Variants in NR3C2 observed in about 807,000 individuals in gnomAD.
The protein encoded by NR3C2 is nuclear receptor subfamily 3 group C member 2, also known as mineralocorticoid receptor.
A neutral mutation model predicts 86.4 loss-of-function variants in NR3C2; 15 were observed. The ratio of observed to expected loss-of-function variants is 0.17; its 90% CI spans 0.12 to 0.27. The LOEUF (loss-of-function observed/expected upper bound fraction) is 0.27, where lower values mean the gene tolerates loss of function less well. Among genes scored for constraint, NR3C2 ranks in the 10% least tolerant of loss-of-function variants. The pLI is 1.00. For missense variants in NR3C2, 960 were observed against 1,195.6 expected, an observed-to-expected ratio of 0.80 and a Z score of 2.91; for synonymous variants, 458 against 450.5, an observed-to-expected ratio of 1.02 and a Z score of -0.21.
Position 148,080,873 on chromosome 4 carries a change from A to ATTAT in NR3C2, c.*467_*470dup, listed in dbSNP as rs986431038. On this transcript the variant is annotated 3_prime_UTR_variant, in exon 9 of 9. Coordinates refer to ENST00000358102, the MANE Select transcript of NR3C2 (RefSeq NM_000901.5). ...AACAGGAATCTGTATATATTTTTTT[A>ATTAT]TTATTTTTTTGTGTTTTTTTAATAA... 2 of 356,688 alleles carry ATTAT rather than the reference A, an allele frequency of 5.6e-6. No homozygotes were observed. The highest frequency in any genetic ancestry group is 4.3e-5 in the African/African-American group (2 of 46,434). 22.1% of individuals were successfully genotyped at this position (356,688 alleles called of 1,614,324 possible).
At chr4:148,280,293 G>A (rs1036051217) in intron 2 of NR3C2, among the ~76,000 whole-genome samples, 1 of 152,080 alleles carries the variant, frequency 6.6e-6, no homozygotes, top group Non-Finnish European at 1.5e-5. Context: ...TTTCCCTGGA[G>A]AAATAAAAAT....
In NR3C2 at chr4:148,152,514, G is replaced by A; in HGVS notation, c.2465C>T (p.Thr822Met). The A allele has an allele frequency of 1.9e-6, 3 of 1,614,022 alleles. No homozygotes were observed. The highest frequency in any genetic ancestry group is 2.5e-6 in the Non-Finnish European group (3 of 1,179,948). ...FALSWRSYKH[T>M]NSQFLYFAPD... ...TGCAAAATAGAGAAATTGGCTGTTC[G>A]TATGTTTGTACGATCTCCAGCTCAA... The change falls in exon 6 of 9, where the codon ACG (threonine) becomes ATG (methionine). Residue 822 changes from threonine (T) to methionine (M), a missense_variant. Physicochemically the swap from Thr to Met is moderately conservative, Grantham distance 81. This residue lies in a region of NR3C2 where 151 missense variants were observed against 296.3 expected (regional missense o/e 0.51). Transcript: ENST00000358102.
At chr4:148,223,982 C>A (rs956690776) in intron 3 of NR3C2, among the ~76,000 whole-genome samples, 1 of 151,936 alleles carries the variant, frequency 6.6e-6, no homozygotes, top group Non-Finnish European at 1.5e-5. Flanking sequence ...CTAGAGAGAA[C>A]AAGGTGTTGA....
chr4:148,114,369 T>C, intron 7 of NR3C2, 108 bp from the exon 8 acceptor site: 1 of 1,169,652 alleles, frequency 8.5e-7, no homozygotes, highest in Non-Finnish European at 1.2e-6. Flanking sequence ...AAATCTCAAT[T>C]AATTGCATTT....
At chr4:148,177,300 T>C (rs1294130724) in intron 4 of NR3C2, among the ~76,000 whole-genome samples, 1 of 152,228 alleles carries the variant, frequency 6.6e-6, no homozygotes, top group East Asian at 1.9e-4. Context: ...TTAAGGTATA[T>C]TATCTGTCCA....
At chr4:148,306,054 T>C (rs941657490) in intron 2 of NR3C2, among the ~76,000 whole-genome samples, 6 of 152,232 alleles carry the variant, frequency 3.9e-5, no homozygotes, top group Non-Finnish European at 7.3e-5. Context: ...CAACAATATG[T>C]GCCATACCAC....
intron 2 of NR3C2, among the ~76,000 whole-genome samples, chr4:148,397,296 G>A (rs1337173380): frequency 6.6e-6 from 1 of 152,228 alleles, no homozygotes; most frequent in Non-Finnish European, 1.5e-5. Context: ...TGAGCCATGG[G>A]CTTTCATCTT....
intron 6 of NR3C2, among the ~76,000 whole-genome samples, chr4:148,137,882 A>G (rs1733418680): frequency 6.6e-6 from 1 of 152,202 alleles, no homozygotes; most frequent in Non-Finnish European, 1.5e-5. Flanking sequence ...AAACAATGCC[A>G]TTCTTCTCAC....
chr4:148,301,715 A>C (rs769252739), intron 2 of NR3C2, among the ~76,000 whole-genome samples: 2 of 152,220 alleles, frequency 1.3e-5, no homozygotes, highest in South Asian at 2.1e-4. Flanking sequence ...TCTATTTCAT[A>C]ACATCAAGGG....
intron 4 of NR3C2, among the ~76,000 whole-genome samples, chr4:148,168,028 T>C (rs899271498): frequency 1.3e-5 from 2 of 152,122 alleles, no homozygotes; most frequent in Non-Finnish European, 2.9e-5. Context: ...ACTTCTAACC[T>C]TGAGAGAGTC....
intron 2 of NR3C2, among the ~76,000 whole-genome samples, chr4:148,415,207 A>G (rs1458237525): frequency 6.6e-6 from 1 of 152,220 alleles, no homozygotes; most frequent in Non-Finnish European, 1.5e-5. Flanking sequence ...TTGTCGATCT[A>G]ACCTAAGAAC....
intron 3 of NR3C2, among the ~76,000 whole-genome samples, chr4:148,226,202 T>C (rs1738152424): frequency 6.6e-6 from 1 of 152,144 alleles, no homozygotes; most frequent in Non-Finnish European, 1.5e-5. Flanking sequence ...TGAGGTAAAA[T>C]GTATCGTACA....
intron 2 of NR3C2, among the ~76,000 whole-genome samples, chr4:148,399,781 T>A (rs1312055757): frequency 1.3e-5 from 2 of 152,132 alleles, no homozygotes; most frequent in Non-Finnish European, 2.9e-5. Flanking sequence ...TTTTTATTCC[T>A]GATTAATAAT....
intron 6 of NR3C2, among the ~76,000 whole-genome samples, chr4:148,134,140 TAATTTA>T (rs1317991605): frequency 3.3e-5 from 5 of 152,202 alleles, no homozygotes; most frequent in African/African-American, 1.2e-4. Context: ...CCAACTCAAT[TAATTTA>T]TTAGAGATTA....
chr4:148,111,060 G>A (rs751560018), intron 8 of NR3C2, among the ~76,000 whole-genome samples: 3 of 152,160 alleles, frequency 2.0e-5, no homozygotes, highest in South Asian at 2.1e-4. Context: ...GATCAGCCAC[G>A]CTGGGAGAAA....
chr4:148,326,384 G>A (rs1374160140), intron 2 of NR3C2, among the ~76,000 whole-genome samples: 2 of 152,052 alleles, frequency 1.3e-5, no homozygotes, highest in African/African-American at 4.8e-5. Flanking sequence ...CTGGACGACA[G>A]AGCGAGACTC....
chr4:148,086,560 CCCTG>C (rs1386723382), intron 8 of NR3C2, among the ~76,000 whole-genome samples: 1 of 152,078 alleles, frequency 6.6e-6, no homozygotes, highest in Non-Finnish European at 1.5e-5. Flanking sequence ...AATGGTGAAA[CCCTG>C]TCTCCACTTA....
At chr4:148,135,776 G>T (rs1733275238) in intron 6 of NR3C2, among the ~76,000 whole-genome samples, 1 of 152,024 alleles carries the variant, frequency 6.6e-6, no homozygotes, top group African/African-American at 2.4e-5. Flanking sequence ...AACAAAAACG[G>T]CCGGGCGCGG....
chr4:148,211,584 T>C (rs890985387), intron 3 of NR3C2, among the ~76,000 whole-genome samples: 16 of 152,232 alleles, frequency 1.1e-4, no homozygotes, highest in Non-Finnish European at 2.1e-4. Context: ...GAGGAGCTTA[T>C]TAAATTTGAT....
Sources: gnomAD v4.1 joint callset for allele counts (sites outside exome capture counted in the v4.1 genomes callset) on GRCh38, gnomAD v4.1.1 for gene constraint, gnomAD v4.1.1 regional missense constraint, MANE v1.5 for transcripts, NCBI Gene and HGNC (gene_info 2026-07-23, HGNC 2026-07-21) for gene names.